The following CORIN variants were observed in gnomAD, a reference collection of about 807,000 sequenced individuals.
The protein encoded by CORIN is corin, serine peptidase.
In CORIN, 117 loss-of-function variants were observed where a neutral mutation model predicts 125.3. The ratio of observed to expected loss-of-function variants is 0.93; its 90% CI spans 0.80 to 1.09. CORIN has a LOEUF of 1.09. CORIN is among the 50% of genes least tolerant of loss of function. The pLI is 0.00. For synonymous variants in CORIN, 450 were observed against 466.4 expected, an observed-to-expected ratio of 0.96 and a Z score of 0.45; for missense variants, 1,253 against 1,306.7, an observed-to-expected ratio of 0.96 and a Z score of 0.63.
intron 16 of CORIN, among the ~76,000 whole-genome samples, chr4:47,639,168 C>T (rs1287640680): frequency 2.0e-5 from 3 of 152,086 alleles, no homozygotes; most frequent in Non-Finnish European, 4.4e-5. Context: ...CACTACAATG[C>T]CGTTCTCTAT....
chr4:47,689,781 T>C (rs968354918), intron 6 of CORIN, among the ~76,000 whole-genome samples: 1 of 152,100 alleles, frequency 6.6e-6, no homozygotes, highest in African/African-American at 2.4e-5. Context: ...TGGCCGTCCA[T>C]TAGAATTACC....
intron 12 of CORIN, among the ~76,000 whole-genome samples, chr4:47,657,530 G>T: frequency 8.3e-6 from 1 of 120,460 alleles, no homozygotes; most frequent in East Asian, 2.3e-4. Flanking sequence ...GCGAAACTCC[G>T]TCTCCAAAAA....
intron 6 of CORIN, among the ~76,000 whole-genome samples, chr4:47,685,308 A>C (rs957444655): frequency 5.3e-5 from 8 of 152,250 alleles, no homozygotes; most frequent in Non-Finnish European, 1.0e-4. Flanking sequence ...CGTAATACTC[A>C]TGCAGTGAAA....
chr4:47,795,848 A>G (rs940983789), intron 2 of CORIN, among the ~76,000 whole-genome samples: 22 of 152,100 alleles, frequency 1.4e-4, no homozygotes, highest in African/African-American at 5.3e-4. Flanking sequence ...GCCAGTAGCC[A>G]GTAAGTATAT....
chr4:47,690,300 A>G (rs1002569206), intron 6 of CORIN, among the ~76,000 whole-genome samples: 8 of 152,328 alleles, frequency 5.3e-5, no homozygotes, highest in African/African-American at 1.9e-4. Context: ...ACTGGGTTCA[A>G]ATTTAGCGAA....
At chr4:47,814,144 C>T (rs1249511177) in intron 1 of CORIN, among the ~76,000 whole-genome samples, 4 of 152,126 alleles carry the variant, frequency 2.6e-5, no homozygotes, top group African/African-American at 9.7e-5. Flanking sequence ...TATACTCTTC[C>T]ATTTCAGCAA....
intron 10 of CORIN, among the ~76,000 whole-genome samples, chr4:47,666,934 T>C (rs1724509730): frequency 6.6e-6 from 1 of 152,204 alleles, no homozygotes; most frequent in African/African-American, 2.4e-5. Flanking sequence ...GAAAAGGTAG[T>C]GCAAGAGTGA....
In CORIN at chr4:47,665,396, C is replaced by T. The variant is rs1724437901; in HGVS notation, c.1358-133G>A. 4.7e-6 allele frequency: 3 copies of T among 643,908 alleles called. No individual in the cohort carries two copies. The South Asian group carries it at 6.2e-5, about 13-fold the overall frequency. 39.9% of individuals were successfully genotyped at this position (643,908 alleles called of 1,614,324 possible). A position where few individuals can be genotyped will look rare whatever the true frequency, so the allele number is the denominator to read the frequency against. On this transcript the variant is annotated intron_variant, in intron 10 of 21. Coordinates refer to ENST00000273857, the MANE Select transcript of CORIN (RefSeq NM_006587.4). Reference sequence around the variant, plus strand: ...AGACTAGAATGCCAGTAGTATATAACATTTTTTATGGATATTGAAAATAAG... The same window carrying T: ...AGACTAGAATGCCAGTAGTATATAATATTTTTTATGGATATTGAAAATAAG...
At chr4:47,753,033 T>C (rs1278939731) in intron 4 of CORIN, among the ~76,000 whole-genome samples, 2 of 152,206 alleles carry the variant, frequency 1.3e-5, no homozygotes, top group Non-Finnish European at 2.9e-5. Context: ...AATATTTCAA[T>C]GTAGGTTCTT....
intron 13 of CORIN, among the ~76,000 whole-genome samples, chr4:47,648,459 G>A (rs1024226706): frequency 6.6e-6 from 1 of 152,202 alleles, no homozygotes; most frequent in Non-Finnish European, 1.5e-5. Flanking sequence ...CACACTAAGT[G>A]TGCTAAGCAT....
At chr4:47,672,507 T>C (rs913641537) in intron 10 of CORIN, among the ~76,000 whole-genome samples, 7 of 152,102 alleles carry the variant, frequency 4.6e-5, no homozygotes, top group Non-Finnish European at 4.4e-5. Context: ...GAGATGACAC[T>C]GTCACTATTT....
chr4:47,595,732 G>C lies in CORIN; in HGVS notation c.3118C>G (p.Leu1040Val), dbSNP rs76700540. Residue 1040 changes from leucine (L) to valine (V), a missense_variant, in exon 22 of 22, where the codon CTC becomes GTC. By Grantham distance (32) the Leu-to-Val change is conservative. Coordinates refer to ENST00000273857, the MANE Select transcript of CORIN (RefSeq NM_006587.4). ...GATCATCCTTATAATTAGTTTAGGA[G>C]AAAGGTCTGGATGTAAATCTGTCTT... is the stretch of plus-strand genomic sequence containing the variant. ...IKRQIYIQTF[L>V]LN The C allele has an allele frequency of 9.9e-5, 158 of 1,601,596 alleles. No homozygotes were observed. Among genetic ancestry groups the C allele is most frequent in the Non-Finnish European group, 1.2e-4 (143 of 1,176,378 alleles).
intron 16 of CORIN, among the ~76,000 whole-genome samples, chr4:47,632,938 G>A (rs1379539543): frequency 1.3e-5 from 2 of 152,000 alleles, no homozygotes; most frequent in Non-Finnish European, 2.9e-5. Flanking sequence ...ATGCGACCAC[G>A]CCCGGCTAAT....
At chr4:47,732,443 T>C (rs1232156017) in intron 5 of CORIN, among the ~76,000 whole-genome samples, 2 of 152,116 alleles carry the variant, frequency 1.3e-5, no homozygotes, top group African/African-American at 2.4e-5. Flanking sequence ...AGGAAGTGCA[T>C]ACCCCAGCTC....
intron 4 of CORIN, among the ~76,000 whole-genome samples, chr4:47,746,554 T>C (rs1728673530): frequency 1.3e-5 from 2 of 151,990 alleles, no homozygotes; most frequent in Non-Finnish European, 2.9e-5. Context: ...TTTTTTTTTT[T>C]CAAATGGAGT....
intron 1 of CORIN, among the ~76,000 whole-genome samples, chr4:47,836,120 A>G (rs989471581): frequency 3.3e-5 from 5 of 152,170 alleles, no homozygotes; most frequent in Admixed American, 6.5e-5. Flanking sequence ...AAAGCATTCT[A>G]TGGAAAACCT....
chr4:47,772,864 T>C (rs893990054), intron 3 of CORIN, among the ~76,000 whole-genome samples: 15 of 152,144 alleles, frequency 9.9e-5, no homozygotes, highest in African/African-American at 2.7e-4. Context: ...GGTAAGAAAA[T>C]TGAGGCAGAA....
At chr4:47,673,537 T>G (rs528301720) in intron 10 of CORIN, among the ~76,000 whole-genome samples, 3 of 152,148 alleles carry the variant, frequency 2.0e-5, no homozygotes, top group Non-Finnish European at 4.4e-5. Context: ...AAATCATTAC[T>G]AGAAATCAGT....
intron 3 of CORIN, among the ~76,000 whole-genome samples, chr4:47,777,063 G>T (rs1051688248): frequency 6.6e-6 from 1 of 152,164 alleles, no homozygotes; most frequent in African/African-American, 2.4e-5. Context: ...TTCTCAAGTT[G>T]TAAGAATATG....
Sources: allele counts gnomAD v4.1 joint callset (sites outside exome capture counted in the v4.1 genomes callset), GRCh38; gene constraint gnomAD v4.1.1; transcripts MANE v1.5; gene names NCBI Gene and HGNC (gene_info 2026-07-23, HGNC 2026-07-21).